Variants in NOL4 observed in about 807,000 individuals in gnomAD.
NOL4 encodes cancer/testis antigen 125.
NOL4 carries 17 observed loss-of-function variants against 75.9 expected under a neutral mutation model. The ratio of observed to expected loss-of-function variants is 0.22; its 90% CI spans 0.15 to 0.34. The LOEUF (loss-of-function observed/expected upper bound fraction) is 0.34, where lower values mean the gene tolerates loss of function less well. NOL4 is among the 10% of genes least tolerant of loss of function. The probability of loss-of-function intolerance (pLI) is 1.00; values close to 1 mark genes in which losing one functional copy is unlikely to be tolerated. For missense variants in NOL4, 614 were observed against 793.5 expected (o/e 0.77, Z 2.72); for synonymous variants, 292 against 289.9 (o/e 1.01, Z -0.07).
intron 10 of NOL4, among the ~76,000 whole-genome samples, chr18:33,878,231 C>T (rs918908559): frequency 4.6e-5 from 7 of 152,086 alleles, no homozygotes; most frequent in African/African-American, 1.7e-4. Flanking sequence ...AATTTTTACC[C>T]AGGATTGGTA....
At chr18:34,078,323 T>C (rs955876260) in intron 5 of NOL4, among the ~76,000 whole-genome samples, 7 of 152,208 alleles carry the variant, frequency 4.6e-5, no homozygotes, top group Non-Finnish European at 1.0e-4. Context: ...TTCCCTTCTT[T>C]TAAATTTAAG....
intron 1 of NOL4, among the ~76,000 whole-genome samples, chr18:34,203,131 T>A (rs537283011): frequency 2.0e-4 from 30 of 151,904 alleles, no homozygotes; most frequent in African/African-American, 6.3e-4. Context: ...TTGAAACAAA[T>A]GAAAACTTCA....
intron 1 of NOL4, among the ~76,000 whole-genome samples, chr18:34,164,880 G>A (rs978792602): frequency 6.6e-6 from 1 of 151,886 alleles, no homozygotes; most frequent in Non-Finnish European, 1.5e-5. Flanking sequence ...AGAAAATGTG[G>A]CACATATACA....
intron 9 of NOL4, among the ~76,000 whole-genome samples, chr18:33,885,162 A>T (rs572125383): frequency 5.3e-5 from 8 of 152,122 alleles, no homozygotes; most frequent in Middle Eastern, 3.4e-3. Context: ...TACTTTTTTT[A>T]AAAAAAATCA....
At chr18:33,998,227 T>A (rs2073433407) in intron 6 of NOL4, among the ~76,000 whole-genome samples, 1 of 152,072 alleles carries the variant, frequency 6.6e-6, no homozygotes, top group Admixed American at 6.6e-5. Context: ...GCAAGTATAC[T>A]AAGAACCACT....
rs560919794 is a variant in NOL4 at position 34,222,583 on chromosome 18, T to G, written c.264+407A>C. On this transcript the variant is annotated intron_variant, in intron 1 of 10. Coordinates refer to ENST00000261592, the MANE Select transcript of NOL4 (RefSeq NM_003787.5). ...ATCAGACTCGTCTGCTCTCAGAGCGTGCGGCCGGGCTTCCAGCCTGGCCTT... is the reference window on the plus strand; with the variant it reads ...ATCAGACTCGTCTGCTCTCAGAGCGGGCGGCCGGGCTTCCAGCCTGGCCTT... The G allele has an allele frequency of 1.5e-4, 78 of 510,456 alleles. No individual in the cohort carries two copies. In the African/African-American group the frequency reaches 1.6e-3, roughly 10 times the overall value. 31.6% of individuals were successfully genotyped at this position (510,456 alleles called of 1,614,324 possible). A position where few individuals can be genotyped will look rare whatever the true frequency, so the allele number is the denominator to read the frequency against.
chr18:33,951,837 G>A lies in NOL4; in HGVS notation c.1428+5489C>T, dbSNP rs143412852. Among the ~76,000 whole-genome samples, 45 of 152,272 alleles carry A rather than the reference G, an allele frequency of 3.0e-4. No homozygotes were observed. In the East Asian group the frequency reaches 8.1e-3, roughly 27 times the overall value. ...TTCCACTTTCATAGAGAGGAAAATA[G>A]AGAATGAGCCTTTCTTGGGCCCAGC... is the stretch of plus-strand genomic sequence containing the variant. On this transcript the variant is annotated intron_variant, in intron 8 of 10. Transcript: ENST00000261592.
intron 5 of NOL4, among the ~76,000 whole-genome samples, chr18:34,075,725 T>A (rs562385346): frequency 6.6e-6 from 1 of 152,212 alleles, no homozygotes; most frequent in South Asian, 2.1e-4. Flanking sequence ...CATTCTCTTA[T>A]GTTCCTCTTC....
At chr18:33,986,479 G>T (rs571177025) in intron 6 of NOL4, among the ~76,000 whole-genome samples, 17 of 152,206 alleles carry the variant, frequency 1.1e-4, no homozygotes, top group African/African-American at 4.1e-4. Context: ...ACTCAGGCAG[G>T]ACTGAGAGGA....
At chr18:34,217,912 C>A (rs1272601118) in intron 1 of NOL4, among the ~76,000 whole-genome samples, 1 of 151,826 alleles carries the variant, frequency 6.6e-6, no homozygotes, top group Non-Finnish European at 1.5e-5. Flanking sequence ...TTTAGCCGAC[C>A]CAGAACTCCA....
At chr18:34,192,934 A>T (rs969445719) in intron 1 of NOL4, among the ~76,000 whole-genome samples, 1 of 152,084 alleles carries the variant, frequency 6.6e-6, no homozygotes, top group Admixed American at 6.6e-5. Context: ...TCCACCTTTC[A>T]CCATGAAATG....
intron 1 of NOL4, among the ~76,000 whole-genome samples, chr18:34,135,985 T>C (rs1419060389): frequency 6.6e-6 from 1 of 152,098 alleles, no homozygotes; most frequent in Non-Finnish European, 1.5e-5. Context: ...AGTTATTATA[T>C]ACCACAGTCA....
At chr18:34,130,546 G>T (rs552207277) in intron 1 of NOL4, among the ~76,000 whole-genome samples, 1 of 152,110 alleles carries the variant, frequency 6.6e-6, no homozygotes, top group East Asian at 1.9e-4. Context: ...ATGTGGTAAA[G>T]GTTAAAAACA....
rs750947968 is a variant in NOL4 at position 34,223,283 on chromosome 18, C to T, written c.-30G>A. On this transcript the variant is annotated 5_prime_UTR_variant, in exon 1 of 11. Transcript: ENST00000261592. Reference sequence around the variant, plus strand: ...CCCGCGCTCGGCCGCTGGCCGGATGCTCCCAGCGCACTTCGCACCTGTTCA... The same window carrying T: ...CCCGCGCTCGGCCGCTGGCCGGATGTTCCCAGCGCACTTCGCACCTGTTCA... 54 of 1,607,816 alleles carry T rather than the reference C, an allele frequency of 3.4e-5. No individual in the cohort carries two copies. Among genetic ancestry groups the T allele is most frequent in the Admixed American group, 2.7e-4 (16 of 59,878 alleles).
In NOL4 at chr18:34,076,233, T is replaced by C. The variant is rs1568310603; in HGVS notation, c.772+17232A>G. ...CAGCTTCCCACTAGCAAAGTTGGCT[T>C]GGCAAAGCAGAACATGACCTAGAAT... On this transcript the variant is annotated intron_variant, in intron 5 of 10. Transcript: ENST00000261592. 2.0e-5 allele frequency among the ~76,000 whole-genome samples: 3 copies of C among 152,122 alleles called. No homozygotes were observed. In the East Asian group the frequency reaches 5.8e-4, roughly 29 times the overall value.
intron 9 of NOL4, among the ~76,000 whole-genome samples, chr18:33,919,726 A>G (rs1235227736): frequency 6.6e-6 from 1 of 152,204 alleles, no homozygotes; most frequent in African/African-American, 2.4e-5. Flanking sequence ...CAGTGTAATT[A>G]CAGTGGGCTC....
Position 33,895,475 on chromosome 18 carries a change from C to T in NOL4, c.1543-12051G>A, listed in dbSNP as rs148854018. ...TTTAATTTGGAGTTTGTTATTATCA[C>T]CAAATCAAAATTTTTAAAGAAATAT... On this transcript the variant is annotated intron_variant, in intron 9 of 10. Transcript: ENST00000261592. Among the ~76,000 whole-genome samples, 300 of 151,958 alleles carry T rather than the reference C, an allele frequency of 2.0e-3. 1 individual carries two copies. The highest frequency in any genetic ancestry group is 5.8e-3 in the African/African-American group (242 of 41,478).
chr18:34,217,285 T>A (rs1036445583), intron 1 of NOL4, among the ~76,000 whole-genome samples: 38 of 152,126 alleles, frequency 2.5e-4, no homozygotes, highest in Non-Finnish European at 5.0e-4. Flanking sequence ...TCTTTTTTTT[T>A]ATTTATTTAT....
chr18:33,943,071 T>A lies in NOL4; in HGVS notation c.1536A>T (p.Arg512Ser). Residue 512 changes from arginine to serine, a missense_variant, in exon 9 of 11, where the codon AGA becomes AGT. By Grantham distance (110) the Arg-to-Ser change is moderately radical. This residue lies in a region of NOL4 where 128 missense variants were observed against 159.9 expected (regional missense o/e 0.80). Transcript: ENST00000261592. Reference protein sequence around the residue: ...RNAAKRMRLERQQDESAPADK... With the variant: ...RNAAKRMRLESQQDESAPADK... ...CTTCAAGATGCCTCAGTACCTGCTG[T>A]CTCTCCAGACGCATCCTCTTGGCGG... is the stretch of plus-strand genomic sequence containing the variant. The A allele has an allele frequency of 6.2e-7, 1 of 1,609,202 alleles. No homozygotes were observed. The highest frequency in any genetic ancestry group is 8.5e-7 in the Non-Finnish European group (1 of 1,176,610).
Sources: gnomAD v4.1 joint callset for allele counts (sites outside exome capture counted in the v4.1 genomes callset) on GRCh38, gnomAD v4.1.1 for gene constraint, gnomAD v4.1.1 regional missense constraint, MANE v1.5 for transcripts, NCBI Gene and HGNC (gene_info 2026-07-23, HGNC 2026-07-21) for gene names.